Variants in MAML3 observed in about 807,000 individuals in gnomAD.
MAML3 encodes the protein mastermind-like protein 3.
A neutral mutation model predicts 101.9 loss-of-function variants in MAML3; 27 were observed. The ratio of observed to expected loss-of-function variants is 0.27; its 90% CI spans 0.20 to 0.37. MAML3 has a LOEUF of 0.37. Among genes scored for constraint, MAML3 ranks in the 10% least tolerant of loss-of-function variants. The pLI is 1.00. For missense variants in MAML3, 1,316 were observed against 1,444.9 expected (o/e 0.91, Z 1.45); for synonymous variants, 501 against 555.9 (o/e 0.90, Z 1.39).
chr4:139,941,282 T>G (rs1351666133), intron 1 of MAML3, among the ~76,000 whole-genome samples: 1 of 152,240 alleles, frequency 6.6e-6, no homozygotes, highest in Non-Finnish European at 1.5e-5. Flanking sequence ...TAGTTATATG[T>G]GTTTAATCTT....
intron 2 of MAML3, among the ~76,000 whole-genome samples, chr4:139,864,925 T>TGTTTTG (rs1553961075): frequency 1.9e-4 from 20 of 107,224 alleles, no homozygotes; most frequent in African/African-American, 7.4e-4. Flanking sequence ...CAAACTTGCT[T>TGTTTTG]TTTTTTTTTT....
At chr4:139,747,437 T>C (rs1356417012) in intron 2 of MAML3, among the ~76,000 whole-genome samples, 1 of 152,212 alleles carries the variant, frequency 6.6e-6, no homozygotes, top group Admixed American at 6.5e-5. Context: ...CTCACGCCTG[T>C]AATCCCAGCA....
chr4:139,926,967 T>C (rs540020861), intron 1 of MAML3, among the ~76,000 whole-genome samples: 1 of 152,366 alleles, frequency 6.6e-6, no homozygotes, highest in South Asian at 2.1e-4. Flanking sequence ...TTCCTCAGTC[T>C]TTCCTTGCCT....
chr4:139,720,233 A>G lies in MAML3; in HGVS notation c.2507T>C (p.Met836Thr). Residue 836 changes from methionine (M) to threonine (T), a missense_variant, in exon 5 of 5, where the codon ATG becomes ACG. Physicochemically the swap from Met to Thr is moderately conservative, Grantham distance 81. Transcript: ENST00000509479. ...SRLMAQNAGM[M>T]GIGPSQNPGT... Reference sequence around the variant, plus strand: ...AGGGTTCTGGGAGGGTCCTATTCCCATCATGCCTGCGTTCTGTGCCATCAG... The same window carrying G: ...AGGGTTCTGGGAGGGTCCTATTCCCGTCATGCCTGCGTTCTGTGCCATCAG... 6.2e-7 allele frequency: 1 copy of G among 1,610,942 alleles called. No homozygotes were observed. Among genetic ancestry groups the G allele is most frequent in the East Asian group, 2.2e-5 (1 of 44,828 alleles).
intron 1 of MAML3, among the ~76,000 whole-genome samples, chr4:140,075,378 A>C (rs1166364802): frequency 1.3e-5 from 2 of 152,236 alleles, no homozygotes; most frequent in East Asian, 3.8e-4. Context: ...CAAGTTAACA[A>C]AATGCAAGTC....
intron 1 of MAML3, among the ~76,000 whole-genome samples, chr4:140,083,919 A>AAC (rs1441567429): frequency 1.4e-5 from 2 of 145,706 alleles, no homozygotes; most frequent in Admixed American, 6.9e-5. Flanking sequence ...CCTAGATTGA[A>AAC]ACACACACGC....
At chr4:139,850,252 T>C (rs138523111) in intron 2 of MAML3, among the ~76,000 whole-genome samples, 1,776 of 152,312 alleles carry the variant, frequency 0.012, 19 homozygotes, top group Non-Finnish European at 0.019. Context: ...CAAAACAACA[T>C]CCTAAAGGAT....
intron 2 of MAML3, among the ~76,000 whole-genome samples, chr4:139,861,741 T>G (rs1731788919): frequency 6.6e-6 from 1 of 152,134 alleles, no homozygotes; most frequent in African/African-American, 2.4e-5. Flanking sequence ...AGATACTCCC[T>G]GCTTGGTGTA....
At chr4:140,012,660 T>TA (rs1726580982) in intron 1 of MAML3, among the ~76,000 whole-genome samples, 1 of 152,246 alleles carries the variant, frequency 6.6e-6, no homozygotes, top group South Asian at 2.1e-4. Context: ...CTTAATAATT[T>TA]AAAATCTGTA....
chr4:139,823,826 C>T (rs2111125325), intron 2 of MAML3, among the ~76,000 whole-genome samples: 1 of 151,526 alleles, frequency 6.6e-6, no homozygotes, highest in South Asian at 2.1e-4. Context: ...GGCTGGCACA[C>T]AGCAGGCACT....
chr4:140,124,885 A>G (rs1464760807), intron 1 of MAML3, among the ~76,000 whole-genome samples: 2 of 152,328 alleles, frequency 1.3e-5, no homozygotes, highest in East Asian at 3.9e-4. Flanking sequence ...TGAAACTCAC[A>G]CAGAAGCAAG....
At chr4:139,933,026 G>A (rs1031780669) in intron 1 of MAML3, among the ~76,000 whole-genome samples, 5 of 152,112 alleles carry the variant, frequency 3.3e-5, no homozygotes, top group African/African-American at 9.7e-5. Flanking sequence ...ACCTAAAAGC[G>A]ACACAGCAGA....
At position 139,719,427 on chromosome 4, in the gene MAML3, A is replaced by G. The variant is rs967326510; in HGVS notation, c.3313T>C (p.Phe1105Leu). The change falls in exon 5 of 5, where the codon TTC (phenylalanine) becomes CTC (leucine). Residue 1105 changes from phenylalanine to leucine, a missense_variant. Transcript: ENST00000509479. ...TCTGCACCGTCCGGGAGGCCAGGGA[A>G]GGAACCCCCAGCTCCGTCGCCACTG... ...NYSGDGAGGS[F>L]PGLPDGADLV... is the part of the protein sequence containing the mutation. The G allele has an allele frequency of 3.1e-6, 5 of 1,614,012 alleles. No homozygotes were observed. The South Asian group carries it at 5.5e-5, about 18-fold the overall frequency.
chr4:140,051,281 A>G (rs1211918883), intron 1 of MAML3, among the ~76,000 whole-genome samples: 1 of 152,212 alleles, frequency 6.6e-6, no homozygotes, highest in African/African-American at 2.4e-5. Flanking sequence ...CAGGCCAGTC[A>G]CAATGGCTCA....
intron 1 of MAML3, among the ~76,000 whole-genome samples, chr4:140,087,360 C>T (rs887030640): frequency 2.0e-5 from 3 of 152,148 alleles, no homozygotes; most frequent in African/African-American, 7.2e-5. Context: ...TTTTGTCTTA[C>T]GAAGCAATAT....
intron 2 of MAML3, among the ~76,000 whole-genome samples, chr4:139,741,268 G>A (rs537610788): frequency 2.8e-4 from 42 of 152,300 alleles, no homozygotes; most frequent in Admixed American, 9.8e-4. Flanking sequence ...GCAAGTCTAG[G>A]AGAAGGGCTC....
chr4:139,829,963 G>A (rs555343849), intron 2 of MAML3, among the ~76,000 whole-genome samples: 3 of 152,312 alleles, frequency 2.0e-5, no homozygotes, highest in Admixed American at 6.5e-5. Flanking sequence ...AATAATGGAA[G>A]GAAGTGGCCA....
chr4:139,969,576 C>T (rs1352538190), intron 1 of MAML3, among the ~76,000 whole-genome samples: 1 of 152,138 alleles, frequency 6.6e-6, no homozygotes, highest in Non-Finnish European at 1.5e-5. Context: ...AGCTCCCTGA[C>T]ACCACTTCTG....
At chr4:140,075,668 C>T (rs548391729) in intron 1 of MAML3, among the ~76,000 whole-genome samples, 1 of 152,194 alleles carries the variant, frequency 6.6e-6, no homozygotes, top group African/African-American at 2.4e-5. Flanking sequence ...TCCTAAGTAG[C>T]TGGGACCATG....
Sources: allele counts gnomAD v4.1 joint callset (sites outside exome capture counted in the v4.1 genomes callset), GRCh38; gene constraint gnomAD v4.1.1; transcripts MANE v1.5; gene names NCBI Gene and HGNC (gene_info 2026-07-23, HGNC 2026-07-21).